The following CAST variants were observed in gnomAD, a reference collection of about 807,000 sequenced individuals.
CAST encodes the protein calpastatin.
CAST carries 76 observed loss-of-function variants against 119.6 expected under a neutral mutation model. The observed-to-expected ratio is 0.64, with a 90% CI of 0.53 to 0.77. The LOEUF is 0.77. Among genes scored for constraint, CAST ranks in the 30% least tolerant of loss-of-function variants. CAST has a pLI of 0.00. For synonymous variants in CAST, 319 were observed against 331.6 expected, an observed-to-expected ratio of 0.96 and a Z score of 0.41; for missense variants, 953 against 946.5, an observed-to-expected ratio of 1.01 and a Z score of -0.09.
chr5:96,124,240 G>T, the CAST span, among the ~76,000 whole-genome samples: 3 of 152,068 alleles, frequency 2.0e-5, no homozygotes, highest in Non-Finnish European at 4.4e-5. Flanking sequence ...GAGCACAGCG[G>T]CTATCTGTAG....
the CAST span, among the ~76,000 whole-genome samples, chr5:96,049,889 C>CAAAAAAAAAAAAAAAAA: frequency 6.9e-3 from 237 of 34,220 alleles, 5 homozygotes; most frequent in Non-Finnish European, 7.9e-3. Flanking sequence ...GAACAGGAGG[C>CAAAAAAAAAAAAAAAAA]AAAAAAAAAA....
the CAST span, among the ~76,000 whole-genome samples, chr5:96,513,463 G>A: frequency 6.6e-6 from 1 of 152,244 alleles, no homozygotes; most frequent in Non-Finnish European, 1.5e-5. Context: ...AATCTCCACT[G>A]AGATTTGGGT....
At chr5:96,495,122 CAAAAA>C in the CAST span, among the ~76,000 whole-genome samples, 1 of 50,774 alleles carries the variant, frequency 2.0e-5, no homozygotes, top group Non-Finnish European at 4.8e-5. Context: ...GAGACTGTCT[CAAAAA>C]AAAAAAAAAA....
chr5:96,459,187 A>G, the CAST span, among the ~76,000 whole-genome samples: 3 of 152,154 alleles, frequency 2.0e-5, no homozygotes, highest in Admixed American at 1.3e-4. Flanking sequence ...TAAAATCATC[A>G]GTTCTTTCTC....
At chr5:96,346,533 T>A in the CAST span, among the ~76,000 whole-genome samples, 1 of 152,136 alleles carries the variant, frequency 6.6e-6, no homozygotes, top group African/African-American at 2.4e-5. Context: ...CTCTTTCTAG[T>A]TCTACCCCTT....
chr5:96,168,204 A>G, the CAST span, among the ~76,000 whole-genome samples: 1 of 152,174 alleles, frequency 6.6e-6, no homozygotes, highest in Non-Finnish European at 1.5e-5. Context: ...GCCATGAGGG[A>G]TAGAAGTTGG....
At chr5:96,716,713 C>G (rs1203694800) in intron 3 of CAST, among the ~76,000 whole-genome samples, 1 of 152,102 alleles carries the variant, frequency 6.6e-6, no homozygotes, top group African/African-American at 2.4e-5. Flanking sequence ...TTGTTTTTCT[C>G]TTGTACATCT....
At chr5:96,245,462 C>A in the CAST span, among the ~76,000 whole-genome samples, 1 of 152,126 alleles carries the variant, frequency 6.6e-6, no homozygotes, top group Non-Finnish European at 1.5e-5. Context: ...AAATTTTTAT[C>A]TTTTTCCTTC....
chr5:96,585,607 C>T (rs1453346927), intron 1 of CAST, among the ~76,000 whole-genome samples: 1 of 152,130 alleles, frequency 6.6e-6, no homozygotes, highest in East Asian at 1.9e-4. Flanking sequence ...CACAATCAAA[C>T]ACATCTATGA....
At chr5:96,341,018 G>A in the CAST span, among the ~76,000 whole-genome samples, 1 of 152,260 alleles carries the variant, frequency 6.6e-6, no homozygotes, top group Non-Finnish European at 1.5e-5. Flanking sequence ...TAGAAAAACA[G>A]TTAACAGAAA....
chr5:96,228,009 GTGTGTGTGTGTGTGTGTGCACGCACA>G, the CAST span, among the ~76,000 whole-genome samples: 1 of 148,364 alleles, frequency 6.7e-6, no homozygotes, highest in South Asian at 2.1e-4. Flanking sequence ...CTCTCTGTGT[GTGTGTGTGTGTGTGTGTGCACGCACA>G]TGTGTATGTG....
chr5:96,653,008 T>C (rs961641749), intron 1 of CAST, among the ~76,000 whole-genome samples: 1 of 152,238 alleles, frequency 6.6e-6, no homozygotes, highest in Non-Finnish European at 1.5e-5. Context: ...TCCTAATCCT[T>C]GAGACCCATC....
chr5:96,325,007 C>G, the CAST span, among the ~76,000 whole-genome samples: 3 of 152,258 alleles, frequency 2.0e-5, no homozygotes, highest in Middle Eastern at 6.8e-3. Context: ...GAGTTCAAGA[C>G]TAGCCTTGCC....
At chr5:96,431,190 GTC>G in the CAST span, among the ~76,000 whole-genome samples, 1 of 152,038 alleles carries the variant, frequency 6.6e-6, no homozygotes, top group Non-Finnish European at 1.5e-5. Context: ...CCCTCTTTGG[GTC>G]TCAAAAATTC....
chr5:96,645,394 T>C (rs1304546557), intron 1 of CAST, among the ~76,000 whole-genome samples: 6 of 152,202 alleles, frequency 3.9e-5, no homozygotes, highest in African/African-American at 1.4e-4. Flanking sequence ...ATGTTATTAT[T>C]TCGCCCTTTC....
chr5:96,187,982 A>G, the CAST span, among the ~76,000 whole-genome samples: 1 of 152,134 alleles, frequency 6.6e-6, no homozygotes. Flanking sequence ...CTTTGTAGTT[A>G]CCCAAGGGAT....
chr5:96,281,652 A>G, the CAST span, among the ~76,000 whole-genome samples: 1 of 152,160 alleles, frequency 6.6e-6, no homozygotes, highest in Non-Finnish European at 1.5e-5. Context: ...CATGATGTCC[A>G]TGTCCCAAGC....
the CAST span, among the ~76,000 whole-genome samples, chr5:96,446,263 C>T: frequency 6.6e-6 from 1 of 151,132 alleles, no homozygotes. Flanking sequence ...ATCCTATATT[C>T]TTATTGTTAA....
chr5:96,191,543 G>A, the CAST span, among the ~76,000 whole-genome samples: 9 of 152,128 alleles, frequency 5.9e-5, no homozygotes, highest in African/African-American at 2.2e-4. Context: ...CTGCTACATT[G>A]CTTCCCATAA....
Sources: gnomAD v4.1 joint callset for allele counts (sites outside exome capture counted in the v4.1 genomes callset) on GRCh38, gnomAD v4.1.1 for gene constraint, MANE v1.5 for transcripts, NCBI Gene and HGNC (gene_info 2026-07-23, HGNC 2026-07-21) for gene names.